TAF3: variants seen among roughly 807,000 people sequenced by gnomAD.
TAF3 encodes the protein TATA-box binding protein associated factor 3.
A neutral mutation model predicts 80.6 loss-of-function variants in TAF3; 7 were observed. The observed-to-expected ratio is 0.09, with a 90% CI of 0.05 to 0.16. The LOEUF (loss-of-function observed/expected upper bound fraction) is 0.16. TAF3 is among the 10% of genes least tolerant of loss of function. TAF3 has a pLI of 1.00. For synonymous variants in TAF3, 444 were observed against 446.1 expected (o/e 1.00, Z 0.06); for missense variants, 921 against 1,140.2 (o/e 0.81, Z 2.77).
rs899395099 is a variant in TAF3, at chr10:7,866,692, A to G, written c.409+42132A>G. The stretch of plus-strand genomic sequence containing the variant: ...GGAAACCATTGAAGAGTTTTAAGTT[A>G]TTAGAAAGGAGAGCTATAGAAAAAG... On this transcript the variant is annotated intron_variant, in intron 2 of 6. Coordinates refer to ENST00000344293, the MANE Select transcript of TAF3 (RefSeq NM_031923.4). Among the ~76,000 whole-genome samples, 4 of 152,172 alleles carry G rather than the reference A, an allele frequency of 2.6e-5. No individual in the cohort carries two copies. In the South Asian group the frequency reaches 6.2e-4, roughly 24 times the overall value.
rs1377676458 is a variant in TAF3, at chr10:7,867,265, A to G, written c.409+42705A>G. ...CAGAGTGAGACTGTCACACACACAC[A>G]CACACAAAAAACAAAAAACAAAAAC... On this transcript the variant is annotated intron_variant, in intron 2 of 6. Coordinates refer to ENST00000344293, the MANE Select transcript of TAF3 (RefSeq NM_031923.4). Among the ~76,000 whole-genome samples, 3 of 152,146 alleles carry G rather than the reference A, an allele frequency of 2.0e-5. 1 individual carries two copies. Among genetic ancestry groups the G allele is most frequent in the Non-Finnish European group, 4.4e-5 (3 of 68,032 alleles).
intron 2 of TAF3, among the ~76,000 whole-genome samples, chr10:7,918,453 G>A (rs891121356): frequency 5.8e-4 from 89 of 152,296 alleles, no homozygotes; most frequent in African/African-American, 2.0e-3. Context: ...GTGATGTTGA[G>A]GAAGAGGCAC....
At chr10:7,954,160 A>T (rs1213623942) in intron 2 of TAF3, among the ~76,000 whole-genome samples, 1 of 138,088 alleles carries the variant, frequency 7.2e-6, no homozygotes, top group Non-Finnish European at 1.6e-5. Flanking sequence ...AGCTCTCCAT[A>T]GTGAGATTCA....
intron 4 of TAF3, among the ~76,000 whole-genome samples, chr10:7,983,381 C>T (rs1263021652): frequency 2.0e-5 from 3 of 152,164 alleles, no homozygotes; most frequent in Non-Finnish European, 2.9e-5. Flanking sequence ...AAAAGGCTGT[C>T]AGTTTTGCAT....
At chr10:7,869,419 C>T (rs1467585602) in intron 2 of TAF3, among the ~76,000 whole-genome samples, 1 of 152,180 alleles carries the variant, frequency 6.6e-6, no homozygotes, top group Non-Finnish European at 1.5e-5. Context: ...GTTTTCTCCC[C>T]AGCTTATTTT....
chr10:7,933,675 C>T (rs1308773759), intron 2 of TAF3, among the ~76,000 whole-genome samples: 1 of 152,170 alleles, frequency 6.6e-6, no homozygotes, highest in Non-Finnish European at 1.5e-5. Flanking sequence ...CACATCAGTG[C>T]TGTCTTTCAT....
Position 7,964,021 on chromosome 10 carries a change from A to T in TAF3, c.511A>T (p.Asn171Tyr). ...DDELEEEEIINDENFLGKRPL... is the reference protein window; with the variant it reads ...DDELEEEEIIYDENFLGKRPL... Reference sequence around the variant, plus strand: ...TGAATTGGAGGAGGAAGAAATTATTAATGATGAGAATTTCCTGGGCAAGAG... The same window carrying T: ...TGAATTGGAGGAGGAAGAAATTATTTATGATGAGAATTTCCTGGGCAAGAG... Residue 171 changes from asparagine (N) to tyrosine (Y), a missense_variant, in exon 3 of 7, where the codon AAT (asparagine) becomes TAT (tyrosine). Physicochemically the swap from Asn to Tyr is moderately radical, Grantham distance 143. This residue lies in a region of TAF3 where 743 missense variants were observed against 821.0 expected (regional missense o/e 0.90). Transcript: ENST00000344293. The surrounding 1 kb of genome is among the most constrained non-coding windows in gnomAD (Gnocchi z 4.1). 2.5e-6 allele frequency: 4 copies of T among 1,614,172 alleles called. No homozygotes were observed. The highest frequency in any genetic ancestry group is 3.4e-6 in the Non-Finnish European group (4 of 1,180,038).
rs1837489893 is a variant in TAF3, at chr10:7,894,683, T to A, written c.410-69237T>A. Among the ~76,000 whole-genome samples, 3 of 152,262 alleles carry A rather than the reference T, an allele frequency of 2.0e-5. No homozygotes were observed. The South Asian group carries it at 6.2e-4, about 31-fold the overall frequency. ...AAATCATCTATGAAAATTTTATATA[T>A]GTTTGTTAAATAAATAAAATCAAAT... On this transcript the variant is annotated intron_variant, in intron 2 of 6. Transcript: ENST00000344293.
intron 1 of TAF3, among the ~76,000 whole-genome samples, chr10:7,820,871 A>G (rs916356277): frequency 2.6e-5 from 4 of 152,088 alleles, no homozygotes; most frequent in African/African-American, 4.8e-5. Context: ...CCAGCTGACT[A>G]CTCTTCTGGC....
chr10:7,977,414 C>A lies in TAF3; in HGVS notation c.2315+91C>A, dbSNP rs1257213988. ...GGGACTTAGAATTCCACAAGCTTCT[C>A]CCAGGTATGAACCTGTAGGGTCAAG... On this transcript the variant is annotated intron_variant, in intron 4 of 6. Coordinates refer to ENST00000344293, the MANE Select transcript of TAF3 (RefSeq NM_031923.4). The A allele has an allele frequency of 2.9e-5, 36 of 1,254,852 alleles. No homozygotes were observed. The Admixed American group carries it at 3.1e-4, about 11-fold the overall frequency. The allele number at this position is 1,254,852 out of a possible 1,614,324, so 77.7% of individuals were successfully genotyped here. A position where few individuals can be genotyped will look rare whatever the true frequency, so the allele number is the denominator to read the frequency against.
At chr10:7,863,813 ATGT>A (rs945495119) in intron 2 of TAF3, among the ~76,000 whole-genome samples, 1 of 148,888 alleles carries the variant, frequency 6.7e-6, no homozygotes, top group Non-Finnish European at 1.5e-5. Flanking sequence ...TTTCTCAGTG[ATGT>A]TTTATAGTTT....
At chr10:7,923,873 A>G (rs536388720) in intron 2 of TAF3, among the ~76,000 whole-genome samples, 1 of 152,330 alleles carries the variant, frequency 6.6e-6, no homozygotes, top group East Asian at 1.9e-4. Context: ...AGAAATTTGT[A>G]TAAAGCTAAC....
chr10:7,901,191 A>G lies in TAF3; in HGVS notation c.410-62729A>G, dbSNP rs140626802. Among the ~76,000 whole-genome samples the G allele has an allele frequency of 9.3e-4, 141 of 152,370 alleles. 1 individual carries two copies. The highest frequency in any genetic ancestry group is 9.1e-4 in the Non-Finnish European group (62 of 68,030). On this transcript the variant is annotated intron_variant, in intron 2 of 6. Transcript: ENST00000344293. The stretch of plus-strand genomic sequence containing the variant: ...CTATTTGTAATTAAGTTTAACTAAC[A>G]TAAAACTATAATGCATATCCTTTGG...
At chr10:7,857,444 G>A (rs527626851) in intron 2 of TAF3, among the ~76,000 whole-genome samples, 1 of 152,206 alleles carries the variant, frequency 6.6e-6, no homozygotes, top group South Asian at 2.1e-4. Context: ...TTGGCAGGAC[G>A]CCTACAGAGT....
intron 2 of TAF3, among the ~76,000 whole-genome samples, chr10:7,828,185 A>G (rs1836763025): frequency 2.6e-5 from 4 of 152,130 alleles, no homozygotes; most frequent in African/African-American, 9.7e-5. Flanking sequence ...GTGCGCAATG[A>G]TTGAGCCTGT....
At chr10:7,821,578 G>C (rs1836691135) in intron 1 of TAF3, among the ~76,000 whole-genome samples, 1 of 152,172 alleles carries the variant, frequency 6.6e-6, no homozygotes, top group African/African-American at 2.4e-5. Context: ...TTCAAATAAT[G>C]AACAAATAAT....
intron 2 of TAF3, among the ~76,000 whole-genome samples, chr10:7,846,455 G>A (rs1219069378): frequency 6.6e-6 from 1 of 152,120 alleles, no homozygotes; most frequent in Non-Finnish European, 1.5e-5. Flanking sequence ...CATAATTTGA[G>A]GAAAGTGTTC....
rs776154176 is a variant in TAF3 at position 7,824,572 on chromosome 10, T to C, written c.409+12T>C. 4.3e-6 allele frequency: 7 copies of C among 1,612,204 alleles called. No individual in the cohort carries two copies. The highest frequency in any genetic ancestry group is 1.6e-4 in the Middle Eastern group (1 of 6,082). On this transcript the variant is annotated intron_variant, in intron 2 of 6. Transcript: ENST00000344293. ...GTCTTCTCAAGAAGGTTTGTGAGTG[T>C]TTCTTCTTCATATGTTAGTGATTAT...
chr10:7,938,919 A>G (rs1394344885), intron 2 of TAF3, among the ~76,000 whole-genome samples: 2 of 152,192 alleles, frequency 1.3e-5, no homozygotes, highest in East Asian at 3.8e-4. Context: ...CCTAAACCCC[A>G]CTACAATGAT....
Sources: allele counts gnomAD v4.1 joint callset (sites outside exome capture counted in the v4.1 genomes callset), GRCh38; gene constraint gnomAD v4.1.1; regional missense constraint gnomAD v4.1.1; non-coding constraint Gnocchi (gnomAD v3.1); transcripts MANE v1.5; gene names NCBI Gene and HGNC (gene_info 2026-07-23, HGNC 2026-07-21).